FAM76A: variants seen among roughly 807,000 people sequenced by gnomAD.
The protein encoded by FAM76A is protein FAM76A.
FAM76A carries 32 observed loss-of-function variants against 46.2 expected under a neutral mutation model. That is an observed-to-expected ratio of 0.69 (90% CI 0.52 to 0.93). The LOEUF (loss-of-function observed/expected upper bound fraction) is 0.93, where lower values mean the gene tolerates loss of function less well. Among genes scored for constraint, FAM76A ranks in the 40% least tolerant of loss-of-function variants. The pLI, the probability that FAM76A is intolerant of heterozygous loss-of-function variation, is 0.00. For synonymous variants in FAM76A, 137 were observed against 127.0 expected, an observed-to-expected ratio of 1.08 and a Z score of -0.53; for missense variants, 274 against 361.5, an observed-to-expected ratio of 0.76 and a Z score of 1.96.
At chr1:27,733,069 A>G (rs2087986722) in intron 3 of FAM76A, among the ~76,000 whole-genome samples, 1 of 151,806 alleles carries the variant, frequency 6.6e-6, no homozygotes, top group Non-Finnish European at 1.5e-5. Flanking sequence ...AGTAGCTGGG[A>G]CTACAGGCAC....
intron 2 of FAM76A, 61 bp from the exon 3 acceptor site, chr1:27,732,542 T>TA: frequency 1.3e-6 from 2 of 1,494,638 alleles, no homozygotes; most frequent in Admixed American, 3.4e-5. Context: ...TCCTTGGGCT[T>TA]AAGGAGGTAT....
Position 27,732,676 on chromosome 1 carries a change from A to T in FAM76A, c.201+19A>T. On this transcript the variant is annotated intron_variant, in intron 3 of 8. Transcript: ENST00000373954. Reference sequence around the variant, plus strand: ...TGGAACGGTAAGTAGGATATTTTCAAACCTAACAGTGAGTACTAGGGTCTT... The same window carrying T: ...TGGAACGGTAAGTAGGATATTTTCATACCTAACAGTGAGTACTAGGGTCTT... 6.2e-7 allele frequency: 1 copy of T among 1,601,360 alleles called. No homozygotes were observed. Among genetic ancestry groups the T allele is most frequent in the Non-Finnish European group, 8.5e-7 (1 of 1,170,062 alleles).
chr1:27,737,075 G>T (rs1413802675), intron 4 of FAM76A, among the ~76,000 whole-genome samples: 1 of 152,004 alleles, frequency 6.6e-6, no homozygotes, highest in African/African-American at 2.4e-5. Flanking sequence ...TCAGCCTCCC[G>T]AGTAGCTGGG....
chr1:27,741,911 T>C (rs1236768737), intron 4 of FAM76A, among the ~76,000 whole-genome samples: 2 of 150,756 alleles, frequency 1.3e-5, no homozygotes, highest in Non-Finnish European at 2.9e-5. Context: ...GAGGATGTAA[T>C]CATTTACATT....
At chr1:27,745,435 C>A (rs1053295909) in intron 5 of FAM76A, among the ~76,000 whole-genome samples, 9 of 152,130 alleles carry the variant, frequency 5.9e-5, no homozygotes, top group Admixed American at 2.6e-4. Flanking sequence ...AGAAAATATT[C>A]AATACATTTC....
intron 4 of FAM76A, chr1:27,740,377 C>G (rs1302952843): frequency 2.4e-6 from 3 of 1,235,596 alleles, no homozygotes; most frequent in Non-Finnish European, 3.6e-6. Flanking sequence ...ACAGTGGAAC[C>G]TGGGTTTGGA....
At chr1:27,753,467 T>A (rs2148585018) in intron 6 of FAM76A, among the ~76,000 whole-genome samples, 1 of 152,350 alleles carries the variant, frequency 6.6e-6, no homozygotes, top group South Asian at 2.1e-4. Flanking sequence ...CTGAAACTAG[T>A]GGAGACTGTA....
chr1:27,727,896 C>A (rs2087888347), intron 2 of FAM76A, among the ~76,000 whole-genome samples: 1 of 148,228 alleles, frequency 6.7e-6, no homozygotes, highest in Non-Finnish European at 1.5e-5. Context: ...CAACCCTTCC[C>A]TCCCAGGTTC....
intron 7 of FAM76A, 48 bp downstream of exon 7, chr1:27,755,378 A>C: frequency 6.2e-7 from 1 of 1,605,386 alleles, no homozygotes; most frequent in Non-Finnish European, 8.5e-7. Context: ...CGAGGGTGAG[A>C]TATGTGGTAT....
intron 4 of FAM76A, among the ~76,000 whole-genome samples, chr1:27,737,615 G>A (rs1396498954): frequency 1.3e-5 from 2 of 152,022 alleles, no homozygotes; most frequent in African/African-American, 2.4e-5. Context: ...ACTTTGGGAG[G>A]CCAAGGCAGG....
intron 7 of FAM76A, among the ~76,000 whole-genome samples, chr1:27,757,792 C>T (rs563111447): frequency 2.5e-4 from 38 of 152,208 alleles, no homozygotes; most frequent in African/African-American, 4.3e-4. Flanking sequence ...CTGGCTAACA[C>T]GGTGAAACCC....
chr1:27,746,245 G>A (rs2088238826), intron 5 of FAM76A, among the ~76,000 whole-genome samples: 1 of 152,192 alleles, frequency 6.6e-6, no homozygotes, highest in South Asian at 2.1e-4. Flanking sequence ...CAAGAGCTGA[G>A]TAAGTAAAGG....
chr1:27,742,995 G>A (rs1020874850), intron 4 of FAM76A, among the ~76,000 whole-genome samples: 2 of 152,096 alleles, frequency 1.3e-5, no homozygotes, highest in Non-Finnish European at 2.9e-5. Flanking sequence ...CCCAGGAGAT[G>A]GAGGTTGCAG....
chr1:27,751,970 AT>A (rs1310715876), intron 6 of FAM76A, among the ~76,000 whole-genome samples: 1 of 151,498 alleles, frequency 6.6e-6, no homozygotes, highest in Non-Finnish European at 1.5e-5. Flanking sequence ...CACTCGGCTA[AT>A]TTTTTTGTGT....
intron 5 of FAM76A, among the ~76,000 whole-genome samples, chr1:27,745,361 AGG>A (rs1252285004): frequency 1.3e-5 from 2 of 152,148 alleles, no homozygotes; most frequent in African/African-American, 4.8e-5. Flanking sequence ...TATTACCTCA[AGG>A]GGTTGTTGTG....
chr1:27,734,114 T>C lies in FAM76A; in HGVS notation c.285T>C (p.Tyr95=). 6.2e-7 allele frequency: 1 copy of C among 1,613,112 alleles called. No homozygotes were observed. The highest frequency in any genetic ancestry group is 8.5e-7 in the Non-Finnish European group (1 of 1,179,818). The change falls in exon 4 of 9, where the codon TAT becomes TAC. Residue 95 remains tyrosine (Y), a synonymous_variant. Transcript: ENST00000373954. ...CQRCTNSEKK[Y]GPPYSCEQCK... The stretch of plus-strand genomic sequence containing the variant: ...GCTGCACAAATTCAGAAAAGAAGTA[T>C]GGACCACCCTATTCTTGTGAACAGT...
chr1:27,755,687 T>C (rs531076153), intron 7 of FAM76A, among the ~76,000 whole-genome samples: 3 of 152,254 alleles, frequency 2.0e-5, no homozygotes, highest in African/African-American at 7.2e-5. Context: ...AATCCTCCCA[T>C]CTCAGCCCAC....
At chr1:27,754,328 ACTC>A (rs2088377330) in intron 6 of FAM76A, among the ~76,000 whole-genome samples, 1 of 150,922 alleles carries the variant, frequency 6.6e-6, no homozygotes, top group South Asian at 2.1e-4. Flanking sequence ...CTGGTCTTGA[ACTC>A]CTGACCTCAG....
At chr1:27,752,713 T>C (rs979795607) in intron 6 of FAM76A, among the ~76,000 whole-genome samples, 32 of 152,258 alleles carry the variant, frequency 2.1e-4, no homozygotes, top group Admixed American at 1.8e-3. Flanking sequence ...AAGAAAATTG[T>C]TCTTACAGTA....
Sources: gnomAD v4.1 joint callset for allele counts (sites outside exome capture counted in the v4.1 genomes callset) on GRCh38, gnomAD v4.1.1 for gene constraint, MANE v1.5 for transcripts, NCBI Gene and HGNC (gene_info 2026-07-23, HGNC 2026-07-21) for gene names.